Variants in VPS8 observed in about 807,000 individuals in gnomAD.
VPS8 encodes the protein VPS8 subunit of CORVET complex.
In VPS8, 129 loss-of-function variants were observed where a neutral mutation model predicts 216.4. The ratio of observed to expected loss-of-function variants is 0.60; its 90% CI spans 0.52 to 0.69. The LOEUF is 0.69. Among genes scored for constraint, VPS8 ranks in the 30% least tolerant of loss-of-function variants. The pLI is 0.00. For synonymous variants in VPS8, 571 were observed against 565.4 expected, an observed-to-expected ratio of 1.01 and a Z score of -0.14; for missense variants, 1,531 against 1,683.5, an observed-to-expected ratio of 0.91 and a Z score of 1.59.
At chr3:184,847,104 T>A (rs1560362627) in intron 8 of VPS8, among the ~76,000 whole-genome samples, 3 of 152,226 alleles carry the variant, frequency 2.0e-5, no homozygotes, top group Admixed American at 6.5e-5. Context: ...TTAAAATACA[T>A]CAGACCTTGT....
chr3:184,837,113 T>G (rs1577811758), intron 5 of VPS8, among the ~76,000 whole-genome samples: 1 of 152,278 alleles, frequency 6.6e-6, no homozygotes, highest in East Asian at 1.9e-4. Context: ...GCATCCCAGG[T>G]GATTCCCATG....
chr3:184,929,552 C>T, intron 32 of VPS8, 28 bp from the exon 33 acceptor site: 1 of 1,334,308 alleles, frequency 7.5e-7, no homozygotes, highest in South Asian at 1.3e-5. Flanking sequence ...CTGTTTGGTA[C>T]ACTGAAGTTT....
chr3:185,049,754 G>T (rs930357581), intron 47 of VPS8, among the ~76,000 whole-genome samples: 5 of 152,108 alleles, frequency 3.3e-5, no homozygotes, highest in South Asian at 2.1e-4. Flanking sequence ...TGTGCAAACT[G>T]CTGTGTCCTC....
At chr3:184,819,032 G>A (rs1372589122) in intron 1 of VPS8, among the ~76,000 whole-genome samples, 4 of 152,086 alleles carry the variant, frequency 2.6e-5, no homozygotes, top group Non-Finnish European at 5.9e-5. Context: ...GTTTAACTTG[G>A]CGTAATATAG....
intron 28 of VPS8, among the ~76,000 whole-genome samples, chr3:184,916,779 A>G (rs1737670561): frequency 6.6e-6 from 1 of 152,196 alleles, no homozygotes; most frequent in African/African-American, 2.4e-5. Flanking sequence ...GTTTAGAAAG[A>G]GTGTTAGAGA....
chr3:184,890,155 C>T (rs577184411), intron 22 of VPS8, among the ~76,000 whole-genome samples: 20 of 152,190 alleles, frequency 1.3e-4, no homozygotes, highest in African/African-American at 4.8e-4. Flanking sequence ...ACTGGATCCT[C>T]TCTTTATACT....
At chr3:184,992,976 ATGGTGGC>A (rs1439495771) in intron 42 of VPS8, among the ~76,000 whole-genome samples, 7 of 152,298 alleles carry the variant, frequency 4.6e-5, no homozygotes, top group African/African-American at 1.7e-4. Context: ...GCATTTGATA[ATGGTGGC>A]TGGAGTTTGG....
At chr3:184,851,408 A>G (rs1018997017) in intron 10 of VPS8, among the ~76,000 whole-genome samples, 6 of 152,128 alleles carry the variant, frequency 3.9e-5, no homozygotes, top group African/African-American at 1.2e-4. Flanking sequence ...TTGTTCTCCA[A>G]ACTTAAGCCT....
intron 45 of VPS8, among the ~76,000 whole-genome samples, chr3:185,011,695 G>A (rs913260578): frequency 2.0e-5 from 3 of 152,180 alleles, no homozygotes; most frequent in Non-Finnish European, 2.9e-5. Context: ...TATGGTTGAG[G>A]ACTAAGGGAT....
chr3:185,030,533 G>A (rs1279997928), intron 46 of VPS8, among the ~76,000 whole-genome samples: 1 of 152,204 alleles, frequency 6.6e-6, no homozygotes, highest in Non-Finnish European at 1.5e-5. Context: ...CAGGGAATGA[G>A]AGAGTGGAAA....
rs1416333449 is a variant in VPS8, at chr3:185,051,976, A to C, written c.4238A>C (p.Asn1413Thr). The C allele has an allele frequency of 6.2e-7, 1 of 1,612,630 alleles. No homozygotes were observed. Among genetic ancestry groups the C allele is most frequent in the South Asian group, 1.1e-5 (1 of 90,900 alleles). ...CCTGCTTTCAACAGCATCTTCCAGA[A>C]TGAGAACTTCCAGCTGCAGCTCATT... ...SAPAFNSIFQNENFQLQLIPP... is the reference protein window; with the variant it reads ...SAPAFNSIFQTENFQLQLIPP... The change falls in exon 48 of 48, where the codon AAT (asparagine) becomes ACT (threonine). Residue 1413 changes from asparagine to threonine, a missense_variant. Transcript: ENST00000625842.
At chr3:184,875,056 C>CT (rs5855044) in intron 21 of VPS8, among the ~76,000 whole-genome samples, 2,491 of 100,272 alleles carry the variant, frequency 0.025, 40 homozygotes, top group Non-Finnish European at 0.031. Flanking sequence ...GTTTTTAAAA[C>CT]TTTTTTTTTT....
intron 46 of VPS8, among the ~76,000 whole-genome samples, chr3:185,026,410 CTTTTT>C (rs3045678): frequency 8.4e-6 from 1 of 119,112 alleles, no homozygotes; most frequent in Admixed American, 9.0e-5. Context: ...GGCTGTATTT[CTTTTT>C]TTTTTTTTTT....
At chr3:184,822,732 G>A (rs1717874228) in intron 1 of VPS8, among the ~76,000 whole-genome samples, 1 of 152,190 alleles carries the variant, frequency 6.6e-6, no homozygotes, top group African/African-American at 2.4e-5. Flanking sequence ...AAAGTAATTT[G>A]TCATGAGCTA....
intron 47 of VPS8, 82 bp from the exon 48 acceptor site, chr3:185,051,794 T>C: frequency 1.4e-6 from 2 of 1,439,336 alleles, no homozygotes; most frequent in South Asian, 3.0e-5. Context: ...CTGTCTCTCA[T>C]GTATCTGAAG....
At chr3:184,908,448 G>T (rs764693024) in intron 25 of VPS8, among the ~76,000 whole-genome samples, 1 of 152,256 alleles carries the variant, frequency 6.6e-6, no homozygotes, top group African/African-American at 2.4e-5. Context: ...TGTGAGGCCC[G>T]CGGTCTTGAG....
intron 45 of VPS8, among the ~76,000 whole-genome samples, chr3:185,002,076 T>C (rs1476888476): frequency 1.3e-5 from 2 of 152,072 alleles, no homozygotes; most frequent in African/African-American, 4.8e-5. Flanking sequence ...AGAAGGTAAG[T>C]AGAATGAAAT....
At chr3:184,817,831 T>A (rs1349552947) in intron 1 of VPS8, among the ~76,000 whole-genome samples, 3 of 152,216 alleles carry the variant, frequency 2.0e-5, no homozygotes, top group African/African-American at 4.8e-5. Context: ...CAAAGGAGCA[T>A]GGCCCCATTT....
At chr3:184,940,287 T>TAC in intron 36 of VPS8, 44 bp downstream of exon 36, 1 of 801,902 alleles carries the variant, frequency 1.2e-6, no homozygotes, top group East Asian at 4.2e-5. Flanking sequence ...TATATATATA[T>TAC]ATGAGAAATA....
Sources: allele counts gnomAD v4.1 joint callset (sites outside exome capture counted in the v4.1 genomes callset), GRCh38; gene constraint gnomAD v4.1.1; transcripts MANE v1.5; gene names NCBI Gene and HGNC (gene_info 2026-07-23, HGNC 2026-07-21).